CNBD1: variants seen among roughly 807,000 people sequenced by gnomAD.
CNBD1 encodes cyclic nucleotide-binding domain-containing protein 1.
Under a neutral mutation model 54.4 loss-of-function variants are expected in CNBD1, and 71 were observed. The observed-to-expected ratio is 1.30, with a 90% CI of 1.08 to 1.59. The LOEUF (loss-of-function observed/expected upper bound fraction) is 1.59, where lower values mean the gene tolerates loss of function less well. Ranked by LOEUF, CNBD1 falls within the 40% of genes most tolerant of loss-of-function variation. The probability of loss-of-function intolerance (pLI) is 0.00; values close to 1 mark genes in which losing one functional copy is unlikely to be tolerated. For synonymous variants in CNBD1, 182 were observed against 170.7 expected, an observed-to-expected ratio of 1.07 and a Z score of -0.51; for missense variants, 659 against 518.0, an observed-to-expected ratio of 1.27 and a Z score of -2.64.
intron 4 of CNBD1, among the ~76,000 whole-genome samples, chr8:86,941,662 A>G (rs188046904): frequency 1.6e-4 from 24 of 152,322 alleles, no homozygotes; most frequent in Admixed American, 1.4e-3. Flanking sequence ...ATCTAGGTCA[A>G]TGTCAGGATG....
At chr8:87,158,074 A>T (rs943295474) in intron 4 of CNBD1, among the ~76,000 whole-genome samples, 3 of 152,132 alleles carry the variant, frequency 2.0e-5, no homozygotes, top group African/African-American at 7.2e-5. Flanking sequence ...GAAAAATATA[A>T]GGAGTTATTG....
At chr8:87,399,549 A>T (rs1311584633) in intron 2 of CNBD1, among the ~76,000 whole-genome samples, 1 of 152,004 alleles carries the variant, frequency 6.6e-6, no homozygotes, top group East Asian at 1.9e-4. Flanking sequence ...TATCCTGGAT[A>T]ATTTATGAAC....
chr8:87,019,038 G>C (rs1809427874), intron 4 of CNBD1, among the ~76,000 whole-genome samples: 1 of 152,072 alleles, frequency 6.6e-6, no homozygotes, highest in Admixed American at 6.5e-5. Context: ...AGTCTCCTGG[G>C]TATAATACTC....
intron 8 of CNBD1, among the ~76,000 whole-genome samples, chr8:87,350,536 G>T (rs115275095): frequency 0.012 from 1,771 of 151,714 alleles, 37 homozygotes; most frequent in African/African-American, 0.038. Context: ...AATTTTTAAA[G>T]AATTATGCTG....
In CNBD1 at chr8:87,424,850, G is replaced by T. The variant is rs1476132024; in HGVS notation, c.214-3696G>T. ...CTTTGTGGCATTCTCTGTATTTCCT[G>T]AATCTGAACGTTGGCCTGCCTTGCT... On this transcript the variant is annotated intron_variant, in intron 2 of 7. Coordinates refer to the CNBD1 transcript ENST00000521593. Among the ~76,000 whole-genome samples the T allele has an allele frequency of 2.6e-5, 4 of 152,160 alleles. No individual in the cohort carries two copies. The East Asian group carries it at 7.7e-4, about 29-fold the overall frequency.
At position 87,206,148 on chromosome 8, in the gene CNBD1, TAATG is replaced by T. The variant is rs751450175; in HGVS notation, c.577+11_577+14del. The T allele has an allele frequency of 1.3e-6, 2 of 1,536,550 alleles. No homozygotes were observed. The highest frequency in any genetic ancestry group is 1.8e-6 in the Non-Finnish European group (2 of 1,142,556). On this transcript the variant is annotated intron_variant, in intron 5 of 10. Transcript: ENST00000518476. ...TTGAAAGGCAGCACAGGTAATAGAC[TAATG>T]TGGGATAAATTTGGCGAGATAAAAT... is the stretch of plus-strand genomic sequence containing the variant.
rs201203720 is a variant in CNBD1 at position 87,422,120 on chromosome 8, C to T, written c.214-6426C>T. On this transcript the variant is annotated intron_variant, in intron 2 of 7. Transcript: ENST00000521593. Reference sequence around the variant, plus strand: ...ATCCTTCACCCACTTTTTGATGGGGCTGTTTGTTTTTTTCTTGTAAATTTG... The same window carrying T: ...ATCCTTCACCCACTTTTTGATGGGGTTGTTTGTTTTTTTCTTGTAAATTTG... Among the ~76,000 whole-genome samples the T allele has an allele frequency of 6.0e-4, 87 of 146,116 alleles. 1 individual carries two copies. Among genetic ancestry groups the T allele is most frequent in the African/African-American group, 1.8e-3 (68 of 37,832 alleles).
At chr8:87,374,911 A>G (rs1810894417) in intron 10 of CNBD1, among the ~76,000 whole-genome samples, 1 of 151,948 alleles carries the variant, frequency 6.6e-6, no homozygotes, top group African/African-American at 2.4e-5. Flanking sequence ...TGTTATAGCA[A>G]CTACCAAGTG....
Position 87,099,264 on chromosome 8 carries a change from G to A in CNBD1, c.432-106729G>A, listed in dbSNP as rs533626175. 2.6e-5 allele frequency among the ~76,000 whole-genome samples: 4 copies of A among 152,256 alleles called. No individual in the cohort carries two copies. In the South Asian group the frequency reaches 6.2e-4, roughly 24 times the overall value. On this transcript the variant is annotated intron_variant, in intron 4 of 10. Transcript: ENST00000518476. Reference sequence around the variant, plus strand: ...ATGGCTGCAGCACAGTGAGCAGGTAGGAGAGTGATAGCAAAAGAGCCTGAG... The same window carrying A: ...ATGGCTGCAGCACAGTGAGCAGGTAAGAGAGTGATAGCAAAAGAGCCTGAG...
At chr8:87,251,579 A>G (rs1358598254) in intron 6 of CNBD1, among the ~76,000 whole-genome samples, 1 of 140,300 alleles carries the variant, frequency 7.1e-6, no homozygotes, top group Non-Finnish European at 1.5e-5. Flanking sequence ...CAAGAGCGAA[A>G]CTCTGTCTCA....
chr8:87,304,453 A>T (rs997099225), intron 8 of CNBD1, among the ~76,000 whole-genome samples: 1 of 151,790 alleles, frequency 6.6e-6, no homozygotes, highest in African/African-American at 2.4e-5. Flanking sequence ...ACATGGACAC[A>T]GGAAGGGGAA....
At chr8:87,035,179 TTA>T (rs1809892813) in intron 4 of CNBD1, among the ~76,000 whole-genome samples, 1 of 152,216 alleles carries the variant, frequency 6.6e-6, no homozygotes, top group Non-Finnish European at 1.5e-5. Context: ...ATGAATTATT[TTA>T]TGTTTTTATT....
intron 8 of CNBD1, among the ~76,000 whole-genome samples, chr8:87,334,598 G>T (rs954466441): frequency 3.7e-4 from 56 of 152,068 alleles, no homozygotes; most frequent in African/African-American, 1.3e-3. Context: ...TTGTTTCAAA[G>T]AACTTGATTT....
intron 4 of CNBD1, among the ~76,000 whole-genome samples, chr8:86,989,454 T>A (rs1198799134): frequency 6.6e-6 from 1 of 152,156 alleles, no homozygotes; most frequent in African/African-American, 2.4e-5. Flanking sequence ...TTTTATTTTA[T>A]TTTTTAATTT....
chr8:87,338,238 T>G (rs1563559378), intron 8 of CNBD1, among the ~76,000 whole-genome samples: 1 of 152,324 alleles, frequency 6.6e-6, no homozygotes, highest in South Asian at 2.1e-4. Flanking sequence ...TGAATTTTGC[T>G]TATACATAAG....
chr8:87,025,612 A>G (rs1161636825), intron 4 of CNBD1, among the ~76,000 whole-genome samples: 1 of 152,136 alleles, frequency 6.6e-6, no homozygotes, highest in Non-Finnish European at 1.5e-5. Context: ...AAGAGCTGTA[A>G]CACTCACTGT....
intron 4 of CNBD1, among the ~76,000 whole-genome samples, chr8:86,955,009 G>A (rs1807725737): frequency 8.6e-6 from 1 of 116,512 alleles, no homozygotes; most frequent in Non-Finnish European, 1.6e-5. Flanking sequence ...ACAGGCCCCA[G>A]TGTGTGATGT....
intron 4 of CNBD1, among the ~76,000 whole-genome samples, chr8:87,185,845 G>A (rs897205571): frequency 6.6e-6 from 1 of 152,022 alleles, no homozygotes; most frequent in Non-Finnish European, 1.5e-5. Context: ...TGGGAACTCT[G>A]ACCCACGTAA....
chr8:87,065,491 C>G (rs1016997594), intron 4 of CNBD1, among the ~76,000 whole-genome samples: 1 of 151,836 alleles, frequency 6.6e-6, no homozygotes, highest in Non-Finnish European at 1.5e-5. Context: ...TGGATGTAGT[C>G]CCTCTGTGGC....
Sources: gnomAD v4.1 joint callset for allele counts (sites outside exome capture counted in the v4.1 genomes callset) on GRCh38, gnomAD v4.1.1 for gene constraint, MANE v1.5 for transcripts, NCBI Gene and HGNC (gene_info 2026-07-23, HGNC 2026-07-21) for gene names.